The following DAB1 variants were observed in gnomAD, a reference collection of about 807,000 sequenced individuals.
DAB1 encodes the protein DAB adaptor protein 1, also known as disabled homolog 1.
A neutral mutation model predicts 64.6 loss-of-function variants in DAB1; 15 were observed. The observed-to-expected ratio is 0.23, with a 90% CI of 0.16 to 0.36. The LOEUF (loss-of-function observed/expected upper bound fraction) is 0.36, where lower values mean the gene tolerates loss of function less well. Ranked by LOEUF, DAB1 falls within the 10% of genes least tolerant of loss-of-function variation. The pLI is 1.00. For missense variants in DAB1, 596 were observed against 706.7 expected, an observed-to-expected ratio of 0.84 and a Z score of 1.78; for synonymous variants, 235 against 251.9, an observed-to-expected ratio of 0.93 and a Z score of 0.64.
At chr1:57,079,685 C>T (rs867154516) in intron 4 of DAB1, among the ~76,000 whole-genome samples, 1 of 152,216 alleles carries the variant, frequency 6.6e-6, no homozygotes, top group African/African-American at 2.4e-5. Context: ...TTGTTCCCCA[C>T]CACCTTGGTG....
chr1:58,071,395 TGTGTGTGTGTGGGTGG>T (rs1201270152), intron 5 of DAB1, among the ~76,000 whole-genome samples: 2 of 150,122 alleles, frequency 1.3e-5, no homozygotes, highest in African/African-American at 5.0e-5. Context: ...TGTGTGTGTG[TGTGTGTGTGTGGGTGG>T]GGAGAGACTG....
intron 1 of DAB1, among the ~76,000 whole-genome samples, chr1:57,404,510 C>T (rs1683481716): frequency 6.6e-6 from 1 of 152,140 alleles, no homozygotes; most frequent in African/African-American, 2.4e-5. Context: ...ACCTCAAACC[C>T]TAGCCTCTTT....
chr1:57,125,351 C>T (rs990537672), intron 4 of DAB1, among the ~76,000 whole-genome samples: 5 of 152,160 alleles, frequency 3.3e-5, no homozygotes, highest in African/African-American at 1.2e-4. Context: ...AGTTTCTGTC[C>T]TTCAGGAACT....
In DAB1 at chr1:57,015,436, G is replaced by C. The variant is rs1432378810; in HGVS notation, c.896-5C>G. Reference sequence around the variant, plus strand: ...CAGCGCCCATTGCAACGTAACCTGGGAGAATGAAAAAGGAGAGTCAGGTGT... The same window carrying C: ...CAGCGCCCATTGCAACGTAACCTGGCAGAATGAAAAAGGAGAGTCAGGTGT... On this transcript the variant is annotated splice_polypyrimidine_tract_variant and splice_region_variant and intron_variant, in intron 11 of 14. Coordinates refer to ENST00000371236, the MANE Select transcript of DAB1 (RefSeq NM_001365792.1). 4.4e-6 allele frequency: 7 copies of C among 1,594,778 alleles called. No individual in the cohort carries two copies. Among genetic ancestry groups the C allele is most frequent in the Admixed American group, 3.5e-5 (2 of 56,656 alleles).
chr1:57,939,912 C>A (rs749006590), intron 5 of DAB1, among the ~76,000 whole-genome samples: 4 of 152,124 alleles, frequency 2.6e-5, no homozygotes, highest in Non-Finnish European at 5.9e-5. Context: ...AACATTAAGG[C>A]CTAAATAAAT....
At chr1:57,320,897 A>G (rs998130483) in intron 1 of DAB1, among the ~76,000 whole-genome samples, 2 of 152,164 alleles carry the variant, frequency 1.3e-5, no homozygotes, top group Admixed American at 6.5e-5. Flanking sequence ...GTAAATGATG[A>G]AGCCGAAATT....
chr1:57,068,283 A>G (rs1262709764), intron 8 of DAB1, among the ~76,000 whole-genome samples: 1 of 152,226 alleles, frequency 6.6e-6, no homozygotes, highest in Non-Finnish European at 1.5e-5. Context: ...TATTAAAGAT[A>G]CTTGGTAAGC....
chr1:58,182,574 G>T (rs1222698983), intron 4 of DAB1, among the ~76,000 whole-genome samples: 1 of 151,810 alleles, frequency 6.6e-6, no homozygotes, highest in Admixed American at 6.6e-5. Flanking sequence ...CTGCTGTTGA[G>T]CCCCTTGAGT....
chr1:57,929,942 T>C (rs1254064658), intron 5 of DAB1, among the ~76,000 whole-genome samples: 1 of 152,170 alleles, frequency 6.6e-6, no homozygotes, highest in Non-Finnish European at 1.5e-5. Context: ...CCCTTCCCAA[T>C]ATTCCACACT....
rs115861679 is a variant in DAB1, at chr1:57,783,897, A to G, written n.551+100102T>C. On this transcript the variant is annotated intron_variant and non_coding_transcript_variant, in intron 6 of 20. Transcript: ENST00000485760. ...TGCTCCACCAACTGGTCATTCCCCA[A>G]TCTCTCTCCTTCTCTTCAGGCTTCT... Among the ~76,000 whole-genome samples, 892 of 152,154 alleles carry G rather than the reference A, an allele frequency of 5.9e-3. 5 individuals carry two copies. Among genetic ancestry groups the G allele is most frequent in the African/African-American group, 0.021 (863 of 41,510 alleles).
chr1:57,959,411 C>T (rs939443596), intron 5 of DAB1, among the ~76,000 whole-genome samples: 1 of 152,168 alleles, frequency 6.6e-6, no homozygotes, highest in Non-Finnish European at 1.5e-5. Context: ...AAGTATTCTA[C>T]AAAAAGCAAT....
At chr1:57,516,664 C>T (rs1186304425) in intron 7 of DAB1, among the ~76,000 whole-genome samples, 1 of 152,204 alleles carries the variant, frequency 6.6e-6, no homozygotes, top group Non-Finnish European at 1.5e-5. Flanking sequence ...CTCATGGAGT[C>T]CTTCTTTCCA....
At chr1:57,803,476 T>C (rs1380575279) in intron 6 of DAB1, among the ~76,000 whole-genome samples, 1 of 152,216 alleles carries the variant, frequency 6.6e-6, no homozygotes, top group Admixed American at 6.5e-5. Flanking sequence ...CCTGAGTTGA[T>C]GCAGTCTTCC....
intron 6 of DAB1, among the ~76,000 whole-genome samples, chr1:57,758,697 C>T (rs11207101): frequency 6.6e-6 from 1 of 152,134 alleles, no homozygotes; most frequent in East Asian, 1.9e-4. Flanking sequence ...TAGAAATTCA[C>T]AATCAAAATT....
chr1:58,199,567 T>A (rs1224080375), intron 4 of DAB1, among the ~76,000 whole-genome samples: 1 of 152,222 alleles, frequency 6.6e-6, no homozygotes, highest in Non-Finnish European at 1.5e-5. Context: ...TGTCTACTTC[T>A]CAGAACAGTA....
intron 6 of DAB1, among the ~76,000 whole-genome samples, chr1:57,795,734 T>TATATATATATATATATATA (rs1650828779): frequency 9.2e-6 from 1 of 108,684 alleles, no homozygotes; most frequent in East Asian, 2.9e-4. Context: ...TATATATATA[T>TATATATATATATATATATA]CATACACATG....
At chr1:57,834,673 A>G (rs892436058) in intron 1 of DAB1, among the ~76,000 whole-genome samples, 1 of 151,646 alleles carries the variant, frequency 6.6e-6, no homozygotes, top group Non-Finnish European at 1.5e-5. Flanking sequence ...GTATGTGTAC[A>G]TATATATGTG....
chr1:57,858,257 C>T (rs897801410), intron 1 of DAB1, among the ~76,000 whole-genome samples: 3 of 152,124 alleles, frequency 2.0e-5, no homozygotes, highest in Admixed American at 2.0e-4. Context: ...CTTATTTAAA[C>T]TATTGGGAGA....
intron 1 of DAB1, among the ~76,000 whole-genome samples, chr1:57,368,076 C>T (rs938002261): frequency 5.9e-5 from 9 of 152,234 alleles, no homozygotes; most frequent in Non-Finnish European, 1.0e-4. Flanking sequence ...GTGGGGTGAG[C>T]CTGGGCACTG....
Sources: allele counts gnomAD v4.1 joint callset (sites outside exome capture counted in the v4.1 genomes callset), GRCh38; gene constraint gnomAD v4.1.1; transcripts MANE v1.5; gene names NCBI Gene and HGNC (gene_info 2026-07-23, HGNC 2026-07-21).